SPTLC3: variants seen among roughly 807,000 people sequenced by gnomAD.
SPTLC3 encodes the protein serine palmitoyltransferase 3.
A neutral mutation model predicts 59.3 loss-of-function variants in SPTLC3; 36 were observed. The observed-to-expected ratio is 0.61, with a 90% CI of 0.47 to 0.80. SPTLC3 has a LOEUF of 0.80. Among genes scored for constraint, SPTLC3 ranks in the 30% least tolerant of loss-of-function variants. The pLI is 0.00. For synonymous variants in SPTLC3, 257 were observed against 240.8 expected (o/e 1.07, Z -0.62); for missense variants, 625 against 685.1 (o/e 0.91, Z 0.98).
At chr20:13,055,582 CA>C (rs1291917504) in intron 2 of SPTLC3, among the ~76,000 whole-genome samples, 1 of 152,180 alleles carries the variant, frequency 6.6e-6, no homozygotes, top group Non-Finnish European at 1.5e-5. Flanking sequence ...TTCAAATCTA[CA>C]ATCTATTTTC....
intron 9 of SPTLC3, among the ~76,000 whole-genome samples, chr20:13,145,975 C>A (rs527862987): frequency 2.0e-5 from 3 of 152,144 alleles, no homozygotes; most frequent in Admixed American, 6.5e-5. Context: ...CACATGCATG[C>A]GAATGTTCCT....
At chr20:13,035,983 G>T (rs773103231) in intron 1 of SPTLC3, among the ~76,000 whole-genome samples, 1 of 151,844 alleles carries the variant, frequency 6.6e-6, no homozygotes, top group Non-Finnish European at 1.5e-5. Flanking sequence ...ATGATCTTTG[G>T]TGCTATATCA....
chr20:13,020,985 T>C (rs1198124544), intron 1 of SPTLC3, among the ~76,000 whole-genome samples: 1 of 152,218 alleles, frequency 6.6e-6, no homozygotes, highest in East Asian at 1.9e-4. Context: ...ACTGCTATCA[T>C]AAGACTAATC....
In SPTLC3 at chr20:13,162,814, G is replaced by A. The variant is rs141915123; in HGVS notation, c.1546-1940G>A. On this transcript the variant is annotated intron_variant, in intron 11 of 11. Transcript: ENST00000399002. ...CAGAACTGGTCCCTGCTTCCTTAGAGTCATCTCAGGCACAAGCTCAAATGC... is the reference window on the plus strand; with the variant it reads ...CAGAACTGGTCCCTGCTTCCTTAGAATCATCTCAGGCACAAGCTCAAATGC... 2.4e-4 allele frequency among the ~76,000 whole-genome samples: 37 copies of A among 152,240 alleles called. 1 individual carries two copies. In the East Asian group the frequency reaches 7.0e-3, roughly 29 times the overall value.
intron 2 of SPTLC3, among the ~76,000 whole-genome samples, chr20:13,056,904 G>A (rs914260079): frequency 3.9e-5 from 6 of 151,968 alleles, no homozygotes; most frequent in Non-Finnish European, 7.4e-5. Flanking sequence ...ACCATGCCTG[G>A]CTAATTTTTG....
At chr20:13,092,366 A>T (rs1298114345) in intron 5 of SPTLC3, among the ~76,000 whole-genome samples, 1 of 152,262 alleles carries the variant, frequency 6.6e-6, no homozygotes, top group Non-Finnish European at 1.5e-5. Flanking sequence ...TACATTAATC[A>T]AATTTATGCC....
rs1985084232 is a variant in SPTLC3, at chr20:13,009,066, TATAA to T, written c.-200_-197del. 1.8e-6 allele frequency: 1 copy of T among 547,026 alleles called. No individual in the cohort carries two copies. The highest frequency in any genetic ancestry group is 2.2e-5 in the South Asian group (1 of 46,264). 33.9% of individuals were successfully genotyped at this position (547,026 alleles called of 1,614,324 possible). A position where few individuals can be genotyped will look rare whatever the true frequency, so the allele number is the denominator to read the frequency against. On this transcript the variant is annotated 5_prime_UTR_variant, in exon 1 of 12. Coordinates refer to ENST00000399002, the MANE Select transcript of SPTLC3 (RefSeq NM_018327.4). ...TCACATTTTGACGGGAGTTGAGAAG[TATAA>T]AGGTAACCATTTGTTTTAGTTTCAA... is the stretch of plus-strand genomic sequence containing the variant.
intron 2 of SPTLC3, among the ~76,000 whole-genome samples, chr20:13,055,093 T>C (rs1017585444): frequency 6.6e-6 from 1 of 151,926 alleles, no homozygotes; most frequent in African/African-American, 2.4e-5. Context: ...TGGCTGAGTG[T>C]ACAGAAGATA....
At chr20:13,159,522 G>A (rs1243933415) in intron 10 of SPTLC3, among the ~76,000 whole-genome samples, 5 of 152,162 alleles carry the variant, frequency 3.3e-5, no homozygotes, top group South Asian at 2.1e-4. Context: ...TACTCATTAA[G>A]TATAGGCTCA....
chr20:13,013,482 C>T (rs1182980051), intron 1 of SPTLC3, among the ~76,000 whole-genome samples: 2 of 152,218 alleles, frequency 1.3e-5, no homozygotes, highest in East Asian at 3.9e-4. Flanking sequence ...TCCCTTTCAA[C>T]TGCTCTGAGT....
chr20:13,048,431 GT>G (rs1235785679), intron 1 of SPTLC3, among the ~76,000 whole-genome samples: 1 of 152,136 alleles, frequency 6.6e-6, no homozygotes, highest in East Asian at 1.9e-4. Flanking sequence ...TTATCTGATT[GT>G]TTTCACATAA....
chr20:13,054,842 A>G (rs2122515790), intron 2 of SPTLC3, among the ~76,000 whole-genome samples: 1 of 152,330 alleles, frequency 6.6e-6, no homozygotes, highest in South Asian at 2.1e-4. Flanking sequence ...AGTAGACAAG[A>G]TCTTCCAGGG....
chr20:13,010,462 A>G (rs360527), intron 1 of SPTLC3, among the ~76,000 whole-genome samples: 36,233 of 152,084 alleles, frequency 0.24, 6,884 homozygotes, highest in African/African-American at 0.53. Context: ...AAGGAGCTCT[A>G]GAGCCTGAGT....
chr20:13,087,670 A>G (rs1370942668), intron 4 of SPTLC3, among the ~76,000 whole-genome samples: 1 of 152,218 alleles, frequency 6.6e-6, no homozygotes, highest in Non-Finnish European at 1.5e-5. Context: ...ACACCATCAT[A>G]GAATGTCTGA....
chr20:13,151,985 TA>T (rs942016346), intron 9 of SPTLC3, among the ~76,000 whole-genome samples: 30 of 147,484 alleles, frequency 2.0e-4, no homozygotes, highest in African/African-American at 5.5e-4. Flanking sequence ...CTGCCTCTAC[TA>T]AAAAAAAAAG....
chr20:13,082,972 G>C (rs776432902), intron 4 of SPTLC3, among the ~76,000 whole-genome samples: 3 of 152,074 alleles, frequency 2.0e-5, no homozygotes, highest in Non-Finnish European at 4.4e-5. Flanking sequence ...GGGCATTGAG[G>C]GTGGCAAAAG....
At chr20:13,089,270 G>A (rs749824954) in intron 4 of SPTLC3, among the ~76,000 whole-genome samples, 1 of 152,150 alleles carries the variant, frequency 6.6e-6, no homozygotes, top group Non-Finnish European at 1.5e-5. Context: ...CCTACGTTCT[G>A]TGTGTGCAAA....
intron 2 of SPTLC3, among the ~76,000 whole-genome samples, chr20:13,055,742 G>C (rs960751558): frequency 6.6e-6 from 1 of 152,178 alleles, no homozygotes; most frequent in Non-Finnish European, 1.5e-5. Context: ...CTGAATGCAG[G>C]AAGGTTATTG....
At chr20:13,122,194 T>C (rs2037882391) in intron 8 of SPTLC3, among the ~76,000 whole-genome samples, 1 of 152,238 alleles carries the variant, frequency 6.6e-6, no homozygotes, top group South Asian at 2.1e-4. Flanking sequence ...TCCACCACTA[T>C]GGATTTTAAA....
Sources: allele counts gnomAD v4.1 joint callset (sites outside exome capture counted in the v4.1 genomes callset), GRCh38; gene constraint gnomAD v4.1.1; transcripts MANE v1.5; gene names NCBI Gene and HGNC (gene_info 2026-07-23, HGNC 2026-07-21).